The following BRINP2 variants were observed in gnomAD, a reference collection of about 807,000 sequenced individuals.
BRINP2 encodes BMP/retinoic acid-inducible neural-specific protein 2.
Under a neutral mutation model 69.2 loss-of-function variants are expected in BRINP2, and 21 were observed. The ratio of observed to expected loss-of-function variants is 0.30; its 90% CI spans 0.22 to 0.44. The LOEUF is 0.44. Among genes scored for constraint, BRINP2 ranks in the 20% least tolerant of loss-of-function variants. The pLI, the probability that BRINP2 is intolerant of heterozygous loss-of-function variation, is 1.00. For missense variants in BRINP2, 877 were observed against 986.0 expected (o/e 0.89, Z 1.48); for synonymous variants, 380 against 394.1 (o/e 0.96, Z 0.42).
chr1:177,220,339 C>T (rs1649488457), intron 1 of BRINP2, among the ~76,000 whole-genome samples: 1 of 152,116 alleles, frequency 6.6e-6, no homozygotes, highest in Admixed American at 6.5e-5. Flanking sequence ...ATCATAGGGG[C>T]AGATCCCTCA....
intron 4 of BRINP2, among the ~76,000 whole-genome samples, chr1:177,262,590 G>A (rs1173237522): frequency 1.3e-5 from 2 of 152,036 alleles, no homozygotes; most frequent in Admixed American, 6.6e-5. Flanking sequence ...GAGCAAAGAG[G>A]TTGTTCTTAC....
intron 4 of BRINP2, among the ~76,000 whole-genome samples, chr1:177,271,692 G>C (rs180855025): frequency 7.9e-5 from 12 of 152,248 alleles, no homozygotes; most frequent in Admixed American, 7.8e-4. Context: ...GCGTGGCCTC[G>C]GTCTAGTTCT....
At chr1:177,207,406 A>C (rs764916298) in intron 1 of BRINP2, among the ~76,000 whole-genome samples, 5 of 152,092 alleles carry the variant, frequency 3.3e-5, no homozygotes, top group Non-Finnish European at 5.9e-5. Flanking sequence ...GGTTGCTGAA[A>C]ACAAGTGTTG....
At chr1:177,188,380 A>C (rs10913297) in intron 1 of BRINP2, among the ~76,000 whole-genome samples, 59,096 of 152,040 alleles carry the variant, frequency 0.39, 11,811 homozygotes, top group South Asian at 0.48. Context: ...ACAAGCAATA[A>C]ACAACAACAA....
chr1:177,259,551 T>C (rs1046978080), intron 4 of BRINP2, among the ~76,000 whole-genome samples: 2 of 152,170 alleles, frequency 1.3e-5, no homozygotes, highest in African/African-American at 4.8e-5. Flanking sequence ...CTTTCATAGC[T>C]AAGGAGGGTA....
chr1:177,201,187 A>G (rs762940976), intron 1 of BRINP2, among the ~76,000 whole-genome samples: 7 of 151,988 alleles, frequency 4.6e-5, no homozygotes, highest in Non-Finnish European at 1.0e-4. Flanking sequence ...CTATTGAAAT[A>G]AAAAAAAGAA....
At chr1:177,216,779 G>GTTTTTTT (rs35697447) in intron 1 of BRINP2, among the ~76,000 whole-genome samples, 1 of 126,600 alleles carries the variant, frequency 7.9e-6, no homozygotes, top group Non-Finnish European at 1.7e-5. Flanking sequence ...TTGGTTGGTA[G>GTTTTTTT]TTTTTTTTTT....
At chr1:177,244,480 C>T (rs1013550689) in intron 2 of BRINP2, among the ~76,000 whole-genome samples, 4 of 152,056 alleles carry the variant, frequency 2.6e-5, no homozygotes, top group African/African-American at 7.2e-5. Flanking sequence ...TAATTTCTTC[C>T]TTAGCTGGGC....
At chr1:177,231,242 C>T (rs1430158460) in intron 2 of BRINP2, among the ~76,000 whole-genome samples, 1 of 152,066 alleles carries the variant, frequency 6.6e-6, no homozygotes, top group African/African-American at 2.4e-5. Flanking sequence ...AATTGAGGCC[C>T]AAAGAAGTTA....
chr1:177,197,754 G>A (rs1648788789), intron 1 of BRINP2, among the ~76,000 whole-genome samples: 1 of 152,180 alleles, frequency 6.6e-6, no homozygotes, highest in African/African-American at 2.4e-5. Flanking sequence ...CCAGAGAAAG[G>A]AGAGACCATG....
At chr1:177,225,162 T>C (rs1385145990) in intron 1 of BRINP2, among the ~76,000 whole-genome samples, 1 of 152,226 alleles carries the variant, frequency 6.6e-6, no homozygotes, top group African/African-American at 2.4e-5. Context: ...GCTCTACCAT[T>C]TGAAGACTGC....
intron 1 of BRINP2, among the ~76,000 whole-genome samples, chr1:177,227,975 G>A (rs1166037086): frequency 6.6e-6 from 1 of 152,122 alleles, no homozygotes; most frequent in Non-Finnish European, 1.5e-5. Context: ...TTCATTAAGC[G>A]AGGTTCTGTC....
chr1:177,233,849 G>T (rs955559171), intron 2 of BRINP2, among the ~76,000 whole-genome samples: 3 of 152,162 alleles, frequency 2.0e-5, no homozygotes, highest in Non-Finnish European at 4.4e-5. Flanking sequence ...GTGACTGCAG[G>T]CTCCTTTGTT....
chr1:177,227,326 C>T (rs893080802), intron 1 of BRINP2, among the ~76,000 whole-genome samples: 1 of 152,208 alleles, frequency 6.6e-6, no homozygotes, highest in Non-Finnish European at 1.5e-5. Flanking sequence ...ATTTCCCCAT[C>T]CCTTTTGTCA....
At chr1:177,265,603 C>T (rs1651092072) in intron 4 of BRINP2, among the ~76,000 whole-genome samples, 1 of 152,112 alleles carries the variant, frequency 6.6e-6, no homozygotes, top group South Asian at 2.1e-4. Context: ...TTCAGTGGCT[C>T]CAAACTGTAC....
chr1:177,222,225 T>C (rs967660959), intron 1 of BRINP2, among the ~76,000 whole-genome samples: 2 of 151,886 alleles, frequency 1.3e-5, no homozygotes, highest in Non-Finnish European at 3.0e-5. Context: ...GTTTTTGGAC[T>C]CTTTTTAGTG....
Position 177,176,512 on chromosome 1 carries a change from C to CATTATT in BRINP2, c.-77+4817_-77+4822dup, listed in dbSNP as rs3041971. Among the ~76,000 whole-genome samples, 476 of 143,142 alleles carry CATTATT rather than the reference C, an allele frequency of 3.3e-3. 2 individuals are homozygous for CATTATT. Among genetic ancestry groups the CATTATT allele is most frequent in the East Asian group, 0.01 (50 of 4,944 alleles). 93.9% of individuals were successfully genotyped at this position (143,142 alleles called of 152,430 possible). The stretch of plus-strand genomic sequence containing the variant: ...AAGTTAAAATTATGTAAGTGGCTGG[C>CATTATT]ATTATTATTATTATTATTATTATTA... On this transcript the variant is annotated intron_variant, in intron 1 of 7. Transcript: ENST00000361539.
In BRINP2 at chr1:177,273,907, C is replaced by A. The variant is rs776411166; in HGVS notation, c.775+314C>A. ...ACAGCATACCCATCCTTATAAGAAG[C>A]CTTTACCTAGTTCAACGATCTTCAT... On this transcript the variant is annotated intron_variant, in intron 5 of 7. Coordinates refer to ENST00000361539, the MANE Select transcript of BRINP2 (RefSeq NM_021165.4). Among the ~76,000 whole-genome samples the A allele has an allele frequency of 2.1e-4, 20 of 97,188 alleles. 1 individual carries two copies. The Admixed American group carries it at 2.3e-3, about 11-fold the overall frequency. 63.8% of individuals were successfully genotyped at this position (97,188 alleles called of 152,430 possible). A position where few individuals can be genotyped will look rare whatever the true frequency, so the allele number is the denominator to read the frequency against.
rs1462590094 is a variant in BRINP2, at chr1:177,171,297, G to C, written c.-512G>C. ...CAAAATCTTGGGTTTCTCCTCGGCG[G>C]AGGGACAGGGGACTCCCCCAGTTGG... On this transcript the variant is annotated 5_prime_UTR_variant, in exon 1 of 8. Transcript: ENST00000361539. Among the ~76,000 whole-genome samples, 1 of 152,210 alleles carries C rather than the reference G, an allele frequency of 6.6e-6. No homozygotes were observed. The highest frequency in any genetic ancestry group is 1.5e-5 in the Non-Finnish European group (1 of 68,040).
Sources: allele counts gnomAD v4.1 joint callset (sites outside exome capture counted in the v4.1 genomes callset), GRCh38; gene constraint gnomAD v4.1.1; transcripts MANE v1.5; gene names NCBI Gene and HGNC (gene_info 2026-07-23, HGNC 2026-07-21).